The following NPAS3 variants were observed in gnomAD, a reference collection of about 807,000 sequenced individuals.
NPAS3 encodes neuronal PAS domain protein 3, also known as neuronal PAS domain-containing protein 3.
In NPAS3, 14 loss-of-function variants were observed where a neutral mutation model predicts 73.1. That is an observed-to-expected ratio of 0.19 (90% confidence interval 0.13 to 0.30). The LOEUF is 0.30. Ranked by LOEUF, NPAS3 falls within the 10% of genes least tolerant of loss-of-function variation. The pLI is 1.00. For synonymous variants in NPAS3, 620 were observed against 541.5 expected (o/e 1.14, Z -2.01); for missense variants, 1,096 against 1,250.0 (o/e 0.88, Z 1.86).
chr14:33,122,339 A>G (rs1321004524), intron 2 of NPAS3, among the ~76,000 whole-genome samples: 3 of 152,144 alleles, frequency 2.0e-5, no homozygotes, highest in Non-Finnish European at 4.4e-5. Context: ...TATAACCATC[A>G]CCTTTCTCCA....
At chr14:33,480,347 A>G (rs1471848168) in intron 4 of NPAS3, among the ~76,000 whole-genome samples, 1 of 152,200 alleles carries the variant, frequency 6.6e-6, no homozygotes, top group Non-Finnish European at 1.5e-5. Flanking sequence ...GTCAGTGAGG[A>G]TTCAGTCATG....
intron 4 of NPAS3, among the ~76,000 whole-genome samples, chr14:33,375,278 T>C (rs556536296): frequency 1.1e-4 from 16 of 152,280 alleles, no homozygotes; most frequent in Admixed American, 2.0e-4. Context: ...GTGAATATAT[T>C]TGCATATGCA....
chr14:33,730,901 T>TA (rs1406873958), intron 6 of NPAS3, among the ~76,000 whole-genome samples: 8 of 152,208 alleles, frequency 5.3e-5, no homozygotes, highest in African/African-American at 1.7e-4. Context: ...ACAGAACACC[T>TA]AAAAATGAAA....
intron 1 of NPAS3, among the ~76,000 whole-genome samples, chr14:32,962,569 CTTTT>C (rs71432096): frequency 3.0e-4 from 33 of 110,652 alleles, no homozygotes; most frequent in African/African-American, 1.1e-3. Context: ...TTTTTCTTTT[CTTTT>C]TTTTTTTTTT....
At chr14:33,606,239 A>G (rs1292995208) in intron 5 of NPAS3, among the ~76,000 whole-genome samples, 3 of 98,308 alleles carry the variant, frequency 3.1e-5, no homozygotes, top group Non-Finnish European at 5.8e-5. Context: ...CCACCCCACA[A>G]CATTCCCCAG....
intron 3 of NPAS3, among the ~76,000 whole-genome samples, chr14:33,316,016 T>C (rs2140216259): frequency 6.6e-6 from 1 of 152,168 alleles, no homozygotes; most frequent in African/African-American, 2.4e-5. Context: ...AAAGTGAAAA[T>C]TGTAACTTCC....
At chr14:33,742,775 A>G (rs572219926) in intron 7 of NPAS3, among the ~76,000 whole-genome samples, 1 of 152,370 alleles carries the variant, frequency 6.6e-6, no homozygotes, top group Non-Finnish European at 1.5e-5. Flanking sequence ...ACTGAAGTCA[A>G]GCTTTTCAAA....
At chr14:33,394,001 A>C (rs2138648189) in intron 4 of NPAS3, among the ~76,000 whole-genome samples, 1 of 152,314 alleles carries the variant, frequency 6.6e-6, no homozygotes, top group East Asian at 1.9e-4. Context: ...CTCTCGCTTG[A>C]TTATTTATGC....
chr14:32,936,484 T>G (rs1191893770), upstream of NPAS3, among the ~76,000 whole-genome samples: 1 of 152,198 alleles, frequency 6.6e-6, no homozygotes, highest in East Asian at 1.9e-4. Context: ...AGATTTTTCC[T>G]TTTCATGGTT....
At chr14:33,159,631 G>T (rs573464654) in intron 2 of NPAS3, among the ~76,000 whole-genome samples, 75 of 138,192 alleles carry the variant, frequency 5.4e-4, no homozygotes, top group African/African-American at 1.9e-3. Context: ...TTGGCTCACC[G>T]CAAACTCCGC....
chr14:33,700,293 G>C (rs902413424), intron 6 of NPAS3, among the ~76,000 whole-genome samples: 1 of 152,176 alleles, frequency 6.6e-6, no homozygotes, highest in Non-Finnish European at 1.5e-5. Flanking sequence ...ATGCCACGAT[G>C]ACAGGGCAAA....
intron 3 of NPAS3, among the ~76,000 whole-genome samples, chr14:33,229,537 A>G (rs2047766042): frequency 1.3e-5 from 2 of 152,332 alleles, no homozygotes; most frequent in African/African-American, 4.8e-5. Flanking sequence ...GCGAGGGAAG[A>G]CTAGACGGTG....
intron 4 of NPAS3, among the ~76,000 whole-genome samples, chr14:33,430,429 C>G (rs895190030): frequency 1.3e-5 from 2 of 152,062 alleles, no homozygotes; most frequent in African/African-American, 2.4e-5. Flanking sequence ...ATCATGTGGT[C>G]CTCGTCTAGG....
At chr14:33,536,788 T>C (rs1566981494) in intron 4 of NPAS3, among the ~76,000 whole-genome samples, 1 of 151,746 alleles carries the variant, frequency 6.6e-6, no homozygotes, top group Non-Finnish European at 1.5e-5. Context: ...AGTTTTTCTA[T>C]GTTTACCAAT....
At chr14:33,771,245 T>C (rs2062641784) in intron 7 of NPAS3, among the ~76,000 whole-genome samples, 1 of 152,166 alleles carries the variant, frequency 6.6e-6, no homozygotes, top group Non-Finnish European at 1.5e-5. Context: ...GAAAAAAATA[T>C]GTTAATTTAA....
intron 4 of NPAS3, among the ~76,000 whole-genome samples, chr14:33,405,648 A>G (rs149815924): frequency 1.4e-3 from 211 of 152,222 alleles, no homozygotes; most frequent in African/African-American, 4.7e-3. Flanking sequence ...CCTTTGGAAA[A>G]AACGTTAGCC....
intron 3 of NPAS3, among the ~76,000 whole-genome samples, chr14:33,242,989 T>TA (rs1370310277): frequency 6.6e-6 from 1 of 152,170 alleles, no homozygotes; most frequent in Non-Finnish European, 1.5e-5. Context: ...AGTACATTTT[T>TA]ATTAAAATTC....
intron 6 of NPAS3, among the ~76,000 whole-genome samples, chr14:33,684,331 T>G (rs974899433): frequency 2.0e-5 from 3 of 151,982 alleles, no homozygotes; most frequent in Non-Finnish European, 2.9e-5. Flanking sequence ...TTTTTTGAGA[T>G]GATGGAGTCT....
downstream of NPAS3, chr14:33,801,260 A>G: frequency 7.1e-7 from 1 of 1,401,882 alleles, no homozygotes; most frequent in Non-Finnish European, 9.4e-7. Context: ...TCTTTCTTTC[A>G]CCTGACTTAT....
Sources: allele counts gnomAD v4.1 joint callset (sites outside exome capture counted in the v4.1 genomes callset), GRCh38; gene constraint gnomAD v4.1.1; transcripts MANE v1.5; gene names NCBI Gene and HGNC (gene_info 2026-07-23, HGNC 2026-07-21).